CCDC7: variants seen among roughly 807,000 people sequenced by gnomAD.
The protein encoded by CCDC7 is coiled-coil domain containing 7.
A neutral mutation model predicts 196.9 loss-of-function variants in CCDC7; 183 were observed. That is an observed-to-expected ratio of 0.93 (90% confidence interval 0.82 to 1.05). The LOEUF (loss-of-function observed/expected upper bound fraction) is 1.05. CCDC7 is among the 50% of genes least tolerant of loss of function. CCDC7 has a pLI of 0.00. For synonymous variants in CCDC7, 525 were observed against 484.6 expected (o/e 1.08, Z -1.10); for missense variants, 1,540 against 1,482.2 (o/e 1.04, Z -0.64).
chr10:32,795,178 C>G (rs1045063416), intron 29 of CCDC7, among the ~76,000 whole-genome samples: 1 of 152,148 alleles, frequency 6.6e-6, no homozygotes, highest in Non-Finnish European at 1.5e-5. Context: ...TTTTCTTGCT[C>G]AGTTTCCTCT....
chr10:32,444,069 T>C (rs2030468630), upstream of CCDC7, among the ~76,000 whole-genome samples: 2 of 152,206 alleles, frequency 1.3e-5, no homozygotes, highest in Admixed American at 6.5e-5. Context: ...ATTGAAATCA[T>C]TATGCCTTTA....
intron 28 of CCDC7, among the ~76,000 whole-genome samples, chr10:32,775,848 A>G (rs2079934852): frequency 6.6e-6 from 1 of 152,050 alleles, no homozygotes; most frequent in Non-Finnish European, 1.5e-5. Context: ...TTATTGCGGC[A>G]TTATTCACAA....
At chr10:32,536,369 A>G (rs1474198885) in intron 11 of CCDC7, among the ~76,000 whole-genome samples, 2 of 152,104 alleles carry the variant, frequency 1.3e-5, no homozygotes, top group Non-Finnish European at 2.9e-5. Context: ...TCTCCTGTGC[A>G]TCATTTCCAT....
intron 41 of CCDC7, among the ~76,000 whole-genome samples, chr10:32,862,056 C>A (rs1298159422): frequency 6.6e-6 from 1 of 152,110 alleles, no homozygotes. Flanking sequence ...CCCAGCAATC[C>A]CACTACTGGA....
chr10:32,601,395 G>A (rs1174073906), intron 18 of CCDC7, among the ~76,000 whole-genome samples: 2 of 152,174 alleles, frequency 1.3e-5, no homozygotes, highest in African/African-American at 4.8e-5. Context: ...TCTTAATTCA[G>A]CTTTCTTTTG....
intron 3 of CCDC7, among the ~76,000 whole-genome samples, chr10:32,457,464 G>A (rs1051161057): frequency 2.0e-5 from 3 of 151,990 alleles, no homozygotes; most frequent in Admixed American, 6.6e-5. Flanking sequence ...ATATATTGGC[G>A]ATTGCAGTTT....
intron 9 of CCDC7, among the ~76,000 whole-genome samples, chr10:32,497,244 T>G (rs570926995): frequency 1.3e-5 from 2 of 152,346 alleles, no homozygotes; most frequent in East Asian, 3.9e-4. Flanking sequence ...GATATTCCCT[T>G]TATCATTTTT....
intron 23 of CCDC7, among the ~76,000 whole-genome samples, chr10:32,691,332 C>T (rs1031117049): frequency 3.3e-5 from 5 of 152,072 alleles, no homozygotes; most frequent in African/African-American, 9.7e-5. Context: ...GGTGAAAAGT[C>T]CATCAGTGTC....
At chr10:32,471,274 A>C in intron 6 of CCDC7, 44 bp downstream of exon 7, 1 of 1,584,478 alleles carries the variant, frequency 6.3e-7, no homozygotes, top group Non-Finnish European at 8.6e-7. Context: ...ACAGTAAGAA[A>C]GGGTATATAA....
intron 20 of CCDC7, among the ~76,000 whole-genome samples, chr10:32,639,117 CTCTTT>C (rs1301341680): frequency 5.3e-5 from 8 of 152,064 alleles, no homozygotes; most frequent in African/African-American, 1.2e-4. Context: ...TCATTCTTCT[CTCTTT>C]TCTTCTTTAT....
At chr10:32,507,819 C>T (rs1267633232) in intron 9 of CCDC7, among the ~76,000 whole-genome samples, 1 of 152,150 alleles carries the variant, frequency 6.6e-6, no homozygotes, top group Non-Finnish European at 1.5e-5. Flanking sequence ...CATTTCGCAG[C>T]ATTCAAAATC....
chr10:32,644,338 C>G (rs2067375070), intron 20 of CCDC7, among the ~76,000 whole-genome samples: 1 of 152,154 alleles, frequency 6.6e-6, no homozygotes. Flanking sequence ...TAATAAGCCA[C>G]TTGCTGTTCC....
In CCDC7 at chr10:32,548,515, T is replaced by C. The variant is rs377525261; in HGVS notation, c.1134+4214T>C. On this transcript the variant is annotated intron_variant, in intron 13 of 41. Transcript: ENST00000639629. The stretch of plus-strand genomic sequence containing the variant: ...GCGAGGAGAATGAAGAAGTTAAACT[T>C]TAAAATGGCGGACAAAGAACACGGG... Among the ~76,000 whole-genome samples the C allele has an allele frequency of 2.2e-3, 339 of 152,258 alleles. 2 individuals carry two copies. The highest frequency in any genetic ancestry group is 6.9e-3 in the African/African-American group (288 of 41,550).
chr10:32,456,348 A>T lies in CCDC7; in HGVS notation c.456+14A>T. On this transcript the variant is annotated intron_variant, in intron 3 of 41. Coordinates refer to ENST00000639629, the Ensembl canonical transcript of CCDC7. ...GAAGAACAAAATGTATGTATTCTGTATATACTGTCAAGTATAAAATATCAA... is the reference window on the plus strand; with the variant it reads ...GAAGAACAAAATGTATGTATTCTGTTTATACTGTCAAGTATAAAATATCAA... 1.3e-6 allele frequency: 2 copies of T among 1,482,566 alleles called. No individual in the cohort carries two copies. Among genetic ancestry groups the T allele is most frequent in the Non-Finnish European group, 1.8e-6 (2 of 1,099,752 alleles). 91.8% of individuals were successfully genotyped at this position (1,482,566 alleles called of 1,614,324 possible).
At chr10:32,802,352 G>T (rs1199755208) in intron 29 of CCDC7, among the ~76,000 whole-genome samples, 1 of 152,042 alleles carries the variant, frequency 6.6e-6, no homozygotes, top group Non-Finnish European at 1.5e-5. Context: ...CATTTATTTT[G>T]CATAACTCTC....
At chr10:32,844,134 T>A (rs953013727) in intron 33 of CCDC7, among the ~76,000 whole-genome samples, 8 of 151,978 alleles carry the variant, frequency 5.3e-5, no homozygotes, top group African/African-American at 1.9e-4. Context: ...AAGTCACCCA[T>A]TCTAATTGTC....
At chr10:32,461,848 C>T (rs906285701) in intron 3 of CCDC7, among the ~76,000 whole-genome samples, 2 of 149,952 alleles carry the variant, frequency 1.3e-5, no homozygotes, top group African/African-American at 2.5e-5. Flanking sequence ...CTCGGCTCAC[C>T]GCAACCTCCG....
At chr10:32,477,422 C>T (rs915929547) in intron 8 of CCDC7, among the ~76,000 whole-genome samples, 5 of 152,038 alleles carry the variant, frequency 3.3e-5, no homozygotes, top group South Asian at 2.1e-4. Flanking sequence ...AGGCTGGTCT[C>T]GAACTCCTGA....
intron 31 of CCDC7, among the ~76,000 whole-genome samples, chr10:32,818,876 T>C (rs2089478490): frequency 1.3e-5 from 2 of 151,976 alleles, no homozygotes; most frequent in South Asian, 2.1e-4. Flanking sequence ...GATCTAAAAT[T>C]GACACCCTAA....
Sources: allele counts gnomAD v4.1 joint callset (sites outside exome capture counted in the v4.1 genomes callset), GRCh38; gene constraint gnomAD v4.1.1; transcripts MANE v1.5; gene names NCBI Gene and HGNC (gene_info 2026-07-23, HGNC 2026-07-21).